Variants in NLRP11 observed in about 807,000 individuals in gnomAD.
NLRP11 encodes the protein NLR family pyrin domain containing 11, also known as NACHT, LRR and PYD domains-containing protein 11.
Under a neutral mutation model 79.3 loss-of-function variants are expected in NLRP11, and 53 were observed. That is an observed-to-expected ratio of 0.67 (90% CI 0.54 to 0.84). The LOEUF (loss-of-function observed/expected upper bound fraction) is 0.84, where lower values mean the gene tolerates loss of function less well. Among genes scored for constraint, NLRP11 ranks in the 40% least tolerant of loss-of-function variants. The pLI, the probability that NLRP11 is intolerant of heterozygous loss-of-function variation, is 0.00. For missense variants in NLRP11, 1,264 were observed against 1,255.0 expected (o/e 1.01, Z -0.11); for synonymous variants, 518 against 462.6 (o/e 1.12, Z -1.54).
At chr19:55,789,464 G>C in intron 7 of NLRP11, 65 bp from the exon 8 acceptor site, 1 of 1,457,304 alleles carries the variant, frequency 6.9e-7, no homozygotes, top group Non-Finnish European at 9.4e-7. Flanking sequence ...TTCACAGAGT[G>C]TTAAGCATTC....
chr19:55,800,974 G>C (rs995090134), intron 5 of NLRP11: 3 of 152,260 alleles, frequency 2.0e-5, no homozygotes, highest in African/African-American at 7.2e-5. Context: ...GAGGTTGGGA[G>C]TTTGAGACAA....
At chr19:55,813,682 G>A (rs957053085) in intron 2 of NLRP11, among the ~76,000 whole-genome samples, 5 of 152,200 alleles carry the variant, frequency 3.3e-5, no homozygotes, top group Non-Finnish European at 7.3e-5. Context: ...CAGCACAACA[G>A]TCTTGAGAAT....
chr19:55,801,436 C>T, intron 5 of NLRP11, 136 bp downstream of exon 5: 1 of 639,522 alleles, frequency 1.6e-6, no homozygotes, highest in South Asian at 2.1e-5. Context: ...AGAAACAAAC[C>T]ACGTGCTAAA....
rs1164747320 is a variant in NLRP11 at position 55,819,130 on chromosome 19, C to CAG, written c.-62-895_-62-894insCT. Among the ~76,000 whole-genome samples, 20 of 12,908 alleles carry CAG rather than the reference C, an allele frequency of 1.5e-3. No individual in the cohort carries two copies. The African/African-American group carries it at 0.025, about 16-fold the overall frequency. The allele number at this position is 12,908 out of a possible 152,430, so 8.5% of individuals were successfully genotyped here. ...ACTGTACTGAGTGGTATCGCCTACA[C>CAG]ACACACACACACACACACACACACA... On this transcript the variant is annotated intron_variant, in intron 1 of 9. Transcript: ENST00000589093.
chr19:55,828,187 G>A (rs1982409287), intron 1 of NLRP11, among the ~76,000 whole-genome samples: 1 of 149,850 alleles, frequency 6.7e-6, no homozygotes, highest in Non-Finnish European at 1.5e-5. Flanking sequence ...AACACTGCAT[G>A]TTCTCACTCA....
In NLRP11 at chr19:55,809,496, G is replaced by A; in HGVS notation, c.1114C>T (p.His372Tyr). ...GATGTCAACGCATCAGCAAGAAAGT[G>A]GGCATGTAGATCAGTGGGTGTTTGG... is the stretch of plus-strand genomic sequence containing the variant. Residue 372 changes from histidine to tyrosine, a missense_variant, in exon 3 of 10, where the codon CAC becomes TAC. His to Tyr is a moderately conservative substitution (Grantham distance 83). Coordinates refer to ENST00000589093, the Ensembl canonical transcript of NLRP11. The surrounding 1 kb of genome is among the most constrained non-coding windows in gnomAD (Gnocchi z 4.5). 1.9e-6 allele frequency: 3 copies of A among 1,614,146 alleles called. No individual in the cohort carries two copies. The highest frequency in any genetic ancestry group is 2.5e-6 in the Non-Finnish European group (3 of 1,180,022).
chr19:55,800,243 G>A (rs902211790), intron 5 of NLRP11, among the ~76,000 whole-genome samples: 8 of 152,270 alleles, frequency 5.3e-5, no homozygotes, highest in African/African-American at 1.2e-4. Flanking sequence ...CACTCAAAGC[G>A]TGGCTAGCAT....
At chr19:55,800,110 G>A (rs1406513072) in intron 5 of NLRP11, among the ~76,000 whole-genome samples, 4 of 152,162 alleles carry the variant, frequency 2.6e-5, no homozygotes, top group Non-Finnish European at 4.4e-5. Context: ...TGAGAATACA[G>A]GAGGTGCCGT....
At chr19:55,787,336 C>G (rs1989940934) in intron 9 of NLRP11, among the ~76,000 whole-genome samples, 1 of 152,250 alleles carries the variant, frequency 6.6e-6, no homozygotes, top group Non-Finnish European at 1.5e-5. Flanking sequence ...ATAAGCAAGA[C>G]CTGTGATTTG....
upstream of NLRP11, among the ~76,000 whole-genome samples, chr19:55,833,731 G>T (rs541090423): frequency 8.2e-6 from 1 of 122,656 alleles, no homozygotes; most frequent in Non-Finnish European, 1.6e-5. Flanking sequence ...TCAGGCCACC[G>T]CACTCCAGCC....
intron 8 of NLRP11, 119 bp downstream of exon 8, chr19:55,789,110 C>A: frequency 7.3e-7 from 1 of 1,365,392 alleles, no homozygotes; most frequent in South Asian, 1.3e-5. Flanking sequence ...AATAAGAGTC[C>A]CATTTCAAAC....
chr19:55,816,802 G>A (rs746500421), intron 2 of NLRP11, among the ~76,000 whole-genome samples: 1 of 152,224 alleles, frequency 6.6e-6, no homozygotes, highest in Non-Finnish European at 1.5e-5. Flanking sequence ...TCCTTTGGCT[G>A]GCTACTTTCA....
intron 2 of NLRP11, among the ~76,000 whole-genome samples, chr19:55,810,770 T>C (rs1309157900): frequency 2.0e-5 from 3 of 152,194 alleles, no homozygotes; most frequent in Admixed American, 1.3e-4. Flanking sequence ...TGTGCTGGGA[T>C]TACAGGCATG....
intron 2 of NLRP11, among the ~76,000 whole-genome samples, chr19:55,815,397 T>C: frequency 6.8e-6 from 1 of 147,286 alleles, no homozygotes; most frequent in African/African-American, 2.7e-5. Context: ...GGTGTGGTGG[T>C]GGGCACCCTT....
Position 55,809,456 on chromosome 19 carries a change from G to GT in NLRP11, c.1153dup (p.Thr385AsnfsTer31). On this transcript the variant is annotated frameshift_variant, in exon 3 of 10. Transcript: ENST00000589093. LOFTEE classifies it high-confidence loss of function. This position sits in a 1 kb window ranked among gnomAD's most constrained non-coding sequence, Gnocchi z 4.5. ...GAGACCTAGGTGATACTGATTGGCA[G>GT]TAAGTCCAGCCTCTGATGTCAACGC... is the stretch of plus-strand genomic sequence containing the variant. 1 of 1,614,198 alleles carries GT rather than the reference G, an allele frequency of 6.2e-7. No individual in the cohort carries two copies. The highest frequency in any genetic ancestry group is 8.5e-7 in the Non-Finnish European group (1 of 1,180,034).
intron 4 of NLRP11, among the ~76,000 whole-genome samples, chr19:55,803,567 A>G (rs1480066669): frequency 6.6e-6 from 1 of 152,216 alleles, no homozygotes; most frequent in African/African-American, 2.4e-5. Flanking sequence ...GCATCTGACA[A>G]ACGTCTAATA....
upstream of NLRP11, among the ~76,000 whole-genome samples, chr19:55,835,006 C>T (rs971244908): frequency 3.9e-5 from 6 of 152,236 alleles, no homozygotes; most frequent in East Asian, 1.9e-4. Context: ...GAGGATGCAA[C>T]GGGCATGCTC....
At chr19:55,806,055 C>A (rs901516791) in intron 4 of NLRP11, among the ~76,000 whole-genome samples, 27 of 152,282 alleles carry the variant, frequency 1.8e-4, no homozygotes, top group African/African-American at 6.5e-4. Flanking sequence ...GATACCACAC[C>A]CTTTACTTTA....
intron 1 of NLRP11, among the ~76,000 whole-genome samples, chr19:55,818,518 T>C (rs1981364357): frequency 6.6e-6 from 1 of 152,240 alleles, no homozygotes; most frequent in Non-Finnish European, 1.5e-5. Context: ...GAATTGAGTA[T>C]CATACAGAAA....
Sources: allele counts gnomAD v4.1 joint callset (sites outside exome capture counted in the v4.1 genomes callset), GRCh38; gene constraint gnomAD v4.1.1; non-coding constraint Gnocchi (gnomAD v3.1); transcripts MANE v1.5; gene names NCBI Gene and HGNC (gene_info 2026-07-23, HGNC 2026-07-21).